The following EPHA5 variants were observed in gnomAD, a reference collection of about 807,000 sequenced individuals.
EPHA5 encodes the protein ephrin type-A receptor 5.
In EPHA5, 60 loss-of-function variants were observed where a neutral mutation model predicts 105.0. That is an observed-to-expected ratio of 0.57 (90% CI 0.46 to 0.71). EPHA5 has a LOEUF of 0.71. Ranked by LOEUF, EPHA5 falls within the 30% of genes least tolerant of loss-of-function variation. The pLI is 0.00. For missense variants in EPHA5, 1,218 were observed against 1,274.7 expected (o/e 0.96, Z 0.68); for synonymous variants, 513 against 449.1 (o/e 1.14, Z -1.80).
chr4:65,534,804 A>T (rs140808038), intron 3 of EPHA5, among the ~76,000 whole-genome samples: 3 of 152,240 alleles, frequency 2.0e-5, no homozygotes, highest in Non-Finnish European at 2.9e-5. Context: ...CACTGCATCA[A>T]ATACAACAAA....
chr4:65,492,538 CAAAAAAAAA>C (rs10543479), intron 4 of EPHA5, among the ~76,000 whole-genome samples: 19 of 84,904 alleles, frequency 2.2e-4, no homozygotes, highest in African/African-American at 6.8e-4. Context: ...GACATCTTTG[CAAAAAAAAA>C]AAAAAAAAAA....
rs1195493801 is a variant in EPHA5 at position 65,331,469 on chromosome 4, G to A, written c.2945+504C>T. On this transcript the variant is annotated intron_variant, in intron 16 of 16. Coordinates refer to ENST00000613740, the MANE Select transcript of EPHA5 (RefSeq NM_001281766.3). The stretch of plus-strand genomic sequence containing the variant: ...GATCTGATACATCCTTAGATTGAAA[G>A]AATGTAAGGTGCACCATTTAGAAAT... 4.8e-6 allele frequency: 5 copies of A among 1,049,064 alleles called. No homozygotes were observed. In the African/African-American group the frequency reaches 5.0e-5, roughly 10 times the overall value. The allele number at this position is 1,049,064 out of a possible 1,614,324, so 65.0% of individuals were successfully genotyped here. A position where few individuals can be genotyped will look rare whatever the true frequency, so the allele number is the denominator to read the frequency against.
intron 3 of EPHA5, among the ~76,000 whole-genome samples, chr4:65,564,757 A>G (rs1739357845): frequency 6.6e-6 from 1 of 151,782 alleles, no homozygotes; most frequent in Non-Finnish European, 1.5e-5. Context: ...ACTAGAATTA[A>G]GCAATGTATT....
intron 2 of EPHA5, among the ~76,000 whole-genome samples, chr4:65,614,415 T>C (rs1033068155): frequency 4.6e-5 from 7 of 151,994 alleles, no homozygotes; most frequent in Admixed American, 3.9e-4. Flanking sequence ...TTCATACTTT[T>C]ACATCTATTT....
At chr4:65,381,479 A>C in intron 8 of EPHA5, among the ~76,000 whole-genome samples, 1 of 151,782 alleles carries the variant, frequency 6.6e-6, no homozygotes, top group East Asian at 1.9e-4. Flanking sequence ...AATTAAACAA[A>C]TCCAGTAATG....
At chr4:65,572,446 C>G (rs985578839) in intron 3 of EPHA5, among the ~76,000 whole-genome samples, 2 of 152,108 alleles carry the variant, frequency 1.3e-5, no homozygotes, top group African/African-American at 4.8e-5. Context: ...CTTAGGCCCC[C>G]ACTGCTTCTA....
intron 8 of EPHA5, among the ~76,000 whole-genome samples, chr4:65,390,694 C>T (rs1042865961): frequency 6.6e-5 from 10 of 151,868 alleles, no homozygotes; most frequent in African/African-American, 2.2e-4. Context: ...GGAAGAGTCC[C>T]AAAATAACAA....
intron 1 of EPHA5, among the ~76,000 whole-genome samples, chr4:65,666,638 T>G (rs1749989599): frequency 6.6e-6 from 1 of 152,210 alleles, no homozygotes; most frequent in South Asian, 2.1e-4. Flanking sequence ...TTTTGAATAT[T>G]ATACTGTAGA....
intron 16 of EPHA5, among the ~76,000 whole-genome samples, chr4:65,327,106 C>G (rs1282158781): frequency 2.0e-5 from 3 of 151,074 alleles, no homozygotes; most frequent in Non-Finnish European, 4.5e-5. Flanking sequence ...AAGACTCTAG[C>G]TCCCTCAATG....
chr4:65,473,315 T>TCC (rs1729470643), intron 5 of EPHA5, among the ~76,000 whole-genome samples: 1 of 152,188 alleles, frequency 6.6e-6, no homozygotes, highest in Admixed American at 6.5e-5. Context: ...TTTTCAGGTA[T>TCC]CCTTATAGAG....
intron 7 of EPHA5, among the ~76,000 whole-genome samples, chr4:65,410,493 T>C (rs1722811967): frequency 6.6e-6 from 1 of 152,314 alleles, no homozygotes; most frequent in Non-Finnish European, 1.5e-5. Flanking sequence ...GATTGTTTGA[T>C]GACTTGAGGT....
At chr4:65,379,274 C>A (rs1408511131) in intron 8 of EPHA5, among the ~76,000 whole-genome samples, 3 of 103,714 alleles carry the variant, frequency 2.9e-5, no homozygotes, top group Non-Finnish European at 6.6e-5. Flanking sequence ...TAAGTATGCA[C>A]ATACACACAC....
At chr4:65,492,570 C>T (rs1459513954) in intron 4 of EPHA5, among the ~76,000 whole-genome samples, 1 of 148,314 alleles carries the variant, frequency 6.7e-6, no homozygotes, top group Non-Finnish European at 1.5e-5. Context: ...AAATCCCCAC[C>T]TTGACCATGT....
intron 3 of EPHA5, among the ~76,000 whole-genome samples, chr4:65,589,269 T>C (rs939303293): frequency 6.6e-6 from 1 of 151,938 alleles, no homozygotes; most frequent in African/African-American, 2.4e-5. Context: ...TTGTCCATAA[T>C]GGGAAAACAA....
chr4:65,587,765 T>C (rs1234289444), intron 3 of EPHA5, among the ~76,000 whole-genome samples: 1 of 152,098 alleles, frequency 6.6e-6, no homozygotes, highest in Non-Finnish European at 1.5e-5. Flanking sequence ...TGTTCCATCT[T>C]CCCGCTACTA....
At chr4:65,380,870 C>G (rs980087310) in intron 8 of EPHA5, among the ~76,000 whole-genome samples, 1 of 151,700 alleles carries the variant, frequency 6.6e-6, no homozygotes, top group African/African-American at 2.4e-5. Flanking sequence ...AAAATGTTCT[C>G]ATGCTTTGGC....
chr4:65,542,054 A>T (rs1438792332), intron 3 of EPHA5, among the ~76,000 whole-genome samples: 1 of 151,298 alleles, frequency 6.6e-6, no homozygotes, highest in East Asian at 1.9e-4. Context: ...GAGAACAAAG[A>T]GATAATGTGT....
At chr4:65,401,640 T>C (rs1721835976) in intron 8 of EPHA5, among the ~76,000 whole-genome samples, 1 of 152,182 alleles carries the variant, frequency 6.6e-6, no homozygotes. Context: ...AACTATGTTG[T>C]GAAATTAAAT....
At chr4:65,654,585 C>T (rs1404126480) in intron 1 of EPHA5, among the ~76,000 whole-genome samples, 1 of 150,958 alleles carries the variant, frequency 6.6e-6, no homozygotes, top group Non-Finnish European at 1.5e-5. Context: ...TGAAGTCATC[C>T]ATCTGAATCT....
Sources: allele counts gnomAD v4.1 joint callset (sites outside exome capture counted in the v4.1 genomes callset), GRCh38; gene constraint gnomAD v4.1.1; transcripts MANE v1.5; gene names NCBI Gene and HGNC (gene_info 2026-07-23, HGNC 2026-07-21).